LUZP2: variants seen among roughly 807,000 people sequenced by gnomAD.
LUZP2 encodes leucine zipper protein 2.
LUZP2 carries 52 observed loss-of-function variants against 51.6 expected under a neutral mutation model. The ratio of observed to expected loss-of-function variants is 1.01; its 90% CI spans 0.81 to 1.27. The LOEUF is 1.27. LUZP2 is among the 50% of genes most tolerant of loss of function. The pLI, the probability that LUZP2 is intolerant of heterozygous loss-of-function variation, is 0.00. For synonymous variants in LUZP2, 154 were observed against 137.3 expected (o/e 1.12, Z -0.85); for missense variants, 436 against 395.4 (o/e 1.10, Z -0.87).
intron 3 of LUZP2, among the ~76,000 whole-genome samples, chr11:24,735,680 T>TG (rs1380736941): frequency 4.0e-5 from 6 of 151,898 alleles, no homozygotes; most frequent in African/African-American, 1.2e-4. Context: ...GAAAGAGGTG[T>TG]GGAATAATGG....
intron 1 of LUZP2, among the ~76,000 whole-genome samples, chr11:24,617,764 T>G (rs895025636): frequency 6.6e-6 from 1 of 152,100 alleles, no homozygotes; most frequent in African/African-American, 2.4e-5. Context: ...GAGGTTGCAG[T>G]GCAGTGAGCA....
At chr11:24,685,607 C>T (rs183186855) in intron 1 of LUZP2, among the ~76,000 whole-genome samples, 8 of 152,236 alleles carry the variant, frequency 5.3e-5, no homozygotes, top group East Asian at 3.9e-4. Flanking sequence ...TGTAACTGCC[C>T]GCCCAACAAA....
intron 9 of LUZP2, among the ~76,000 whole-genome samples, chr11:25,011,872 T>TA (rs2133959094): frequency 6.6e-6 from 1 of 151,806 alleles, no homozygotes; most frequent in African/African-American, 2.4e-5. Flanking sequence ...AGAGAGAATA[T>TA]ATATGTTTTT....
chr11:24,593,402 C>T (rs74615183), intron 1 of LUZP2, among the ~76,000 whole-genome samples: 4,613 of 152,212 alleles, frequency 0.03, 226 homozygotes, highest in African/African-American at 0.11. Context: ...TCTAAGGCCT[C>T]TCACGAGATT....
At chr11:24,787,637 A>G (rs973517187) in intron 5 of LUZP2, among the ~76,000 whole-genome samples, 4 of 152,010 alleles carry the variant, frequency 2.6e-5, no homozygotes, top group African/African-American at 9.7e-5. Flanking sequence ...TCATGATTCT[A>G]CCTCCAACAC....
chr11:24,771,513 A>G (rs1225434220), intron 5 of LUZP2, among the ~76,000 whole-genome samples: 1 of 150,860 alleles, frequency 6.6e-6, no homozygotes, highest in African/African-American at 2.4e-5. Context: ...TTTTTCACAA[A>G]GACAACACAG....
chr11:24,598,718 C>A (rs2133857452), intron 1 of LUZP2, among the ~76,000 whole-genome samples: 2 of 152,252 alleles, frequency 1.3e-5, no homozygotes, highest in East Asian at 1.9e-4. Context: ...TAGAGGCTTG[C>A]AATAGCCAGG....
At chr11:24,998,385 G>A (rs933879881) in intron 9 of LUZP2, among the ~76,000 whole-genome samples, 11 of 152,128 alleles carry the variant, frequency 7.2e-5, no homozygotes, top group Non-Finnish European at 1.5e-4. Flanking sequence ...TGAAGCAATT[G>A]TGAATGGGAG....
chr11:25,057,382 A>T (rs1414113137), intron 10 of LUZP2, among the ~76,000 whole-genome samples: 1 of 152,130 alleles, frequency 6.6e-6, no homozygotes, highest in African/African-American at 2.4e-5. Context: ...TTTAAAGAAG[A>T]CTTAAGAAAC....
intron 5 of LUZP2, among the ~76,000 whole-genome samples, chr11:24,841,259 C>A (rs1590624546): frequency 6.6e-6 from 1 of 151,982 alleles, no homozygotes. Context: ...GCTTTCTCTG[C>A]CATGTTAGGA....
At chr11:24,698,902 A>G (rs747137035) in intron 1 of LUZP2, among the ~76,000 whole-genome samples, 2 of 152,080 alleles carry the variant, frequency 1.3e-5, no homozygotes, top group South Asian at 4.2e-4. Context: ...CAAAAAAAAT[A>G]TAAAAATTAG....
chr11:25,068,378 A>G (rs1192911112), intron 10 of LUZP2, among the ~76,000 whole-genome samples: 3 of 151,976 alleles, frequency 2.0e-5, no homozygotes, highest in Admixed American at 6.6e-5. Context: ...TTAATTTAGT[A>G]ATAGAGTCAT....
chr11:24,675,739 A>G (rs1269863741), intron 1 of LUZP2, among the ~76,000 whole-genome samples: 1 of 151,682 alleles, frequency 6.6e-6, no homozygotes, highest in Non-Finnish European at 1.5e-5. Context: ...ATTACTATTA[A>G]TATGTCTGCC....
chr11:24,928,510 T>C (rs1854345480), intron 7 of LUZP2, among the ~76,000 whole-genome samples: 1 of 152,092 alleles, frequency 6.6e-6, no homozygotes, highest in South Asian at 2.1e-4. Flanking sequence ...AGAAAAATTC[T>C]TCCTGTGTAA....
At chr11:24,833,009 T>C (rs1850745902) in intron 5 of LUZP2, among the ~76,000 whole-genome samples, 1 of 152,174 alleles carries the variant, frequency 6.6e-6, no homozygotes, top group South Asian at 2.1e-4. Context: ...CCTAACCTCT[T>C]TGGGCTTCCC....
intron 1 of LUZP2, among the ~76,000 whole-genome samples, chr11:24,664,985 C>G (rs1021554010): frequency 6.6e-6 from 1 of 152,112 alleles, no homozygotes; most frequent in African/African-American, 2.4e-5. Context: ...CCTCCAGACC[C>G]CAGAATGGTA....
chr11:24,733,092 CCT>C (rs1565105321), intron 3 of LUZP2, among the ~76,000 whole-genome samples: 1 of 151,766 alleles, frequency 6.6e-6, no homozygotes, highest in Non-Finnish European at 1.5e-5. Flanking sequence ...GCCTATATGT[CCT>C]CCATTGACCT....
intron 4 of LUZP2, among the ~76,000 whole-genome samples, chr11:24,758,217 T>C (rs1728472221): frequency 6.6e-6 from 1 of 152,092 alleles, no homozygotes; most frequent in African/African-American, 2.4e-5. Context: ...ACATGTCTTA[T>C]CTCTTCAGGA....
At chr11:25,073,951 A>G (rs1859230706) in intron 10 of LUZP2, among the ~76,000 whole-genome samples, 1 of 152,204 alleles carries the variant, frequency 6.6e-6, no homozygotes, top group African/African-American at 2.4e-5. Context: ...TTTTACAGCC[A>G]AAGAACCCGA....
Sources: gnomAD v4.1 joint callset for allele counts (sites outside exome capture counted in the v4.1 genomes callset) on GRCh38, gnomAD v4.1.1 for gene constraint, MANE v1.5 for transcripts, NCBI Gene and HGNC (gene_info 2026-07-23, HGNC 2026-07-21) for gene names.